LNX1: variants seen among roughly 807,000 people sequenced by gnomAD.
The protein encoded by LNX1 is ligand of numb-protein X 1, also known as E3 ubiquitin-protein ligase LNX.
LNX1 carries 54 observed loss-of-function variants against 68.4 expected under a neutral mutation model. The observed-to-expected ratio is 0.79, with a 90% CI of 0.63 to 0.99. The LOEUF (loss-of-function observed/expected upper bound fraction) is 0.99, where lower values mean the gene tolerates loss of function less well. LNX1 is among the 50% of genes least tolerant of loss of function. The pLI, the probability that LNX1 is intolerant of heterozygous loss-of-function variation, is 0.00. For missense variants in LNX1, 906 were observed against 926.4 expected (o/e 0.98, Z 0.29); for synonymous variants, 336 against 350.0 (o/e 0.96, Z 0.45).
rs529508889 is a variant in LNX1 at position 53,647,864 on chromosome 4, T to G, written c.-215+4304A>C. 9.8e-4 allele frequency among the ~76,000 whole-genome samples: 150 copies of G among 152,370 alleles called. 1 individual carries two copies. The highest frequency in any genetic ancestry group is 6.8e-3 in the Middle Eastern group (2 of 294). ...GCATGTAAGTGGAATTATATCGTATTTGTCCTTCTGAAACTGGCTTTATTT... is the reference window on the plus strand; with the variant it reads ...GCATGTAAGTGGAATTATATCGTATGTGTCCTTCTGAAACTGGCTTTATTT... On this transcript the variant is annotated intron_variant, in intron 1 of 2. Coordinates refer to the LNX1 transcript ENST00000507168.
At chr4:53,513,954 C>T (rs1441919736) in intron 2 of LNX1, among the ~76,000 whole-genome samples, 1 of 152,192 alleles carries the variant, frequency 6.6e-6, no homozygotes, top group Non-Finnish European at 1.5e-5. Flanking sequence ...AGCCCTCCTG[C>T]TAGTCCTCAA....
At chr4:53,647,652 G>C (rs6858782) in intron 1 of LNX1, among the ~76,000 whole-genome samples, 51,009 of 152,062 alleles carry the variant, frequency 0.34, 9,069 homozygotes, top group East Asian at 0.58. Flanking sequence ...CAATTTTTAA[G>C]AGTACAGTTC....
At chr4:53,501,281 C>CTTT (rs11401056) in intron 4 of LNX1, among the ~76,000 whole-genome samples, 28 of 63,684 alleles carry the variant, frequency 4.4e-4, no homozygotes, top group Non-Finnish European at 5.5e-4. Flanking sequence ...TGATAATAAT[C>CTTT]TTTTTTTTTT....
At chr4:53,576,145 C>T in intron 1 of LNX1, 2 of 1,564,546 alleles carry the variant, frequency 1.3e-6, no homozygotes, top group Non-Finnish European at 1.7e-6. Context: ...GGCCCAGCAG[C>T]AGGGGGCCTG....
chr4:53,519,059 C>A (rs1466203646), intron 2 of LNX1, among the ~76,000 whole-genome samples: 2 of 152,162 alleles, frequency 1.3e-5, no homozygotes, highest in African/African-American at 2.4e-5. Flanking sequence ...CTGCATGCCT[C>A]ATAGGTCAGT....
At chr4:53,642,067 A>G (rs187570013) in intron 1 of LNX1, among the ~76,000 whole-genome samples, 2 of 152,034 alleles carry the variant, frequency 1.3e-5, no homozygotes, top group East Asian at 3.9e-4. Context: ...ACAAAAAATA[A>G]AAACATCAGC....
intron 9 of LNX1, among the ~76,000 whole-genome samples, chr4:53,470,987 CTACTT>C (rs1723121237): frequency 6.7e-6 from 1 of 148,170 alleles, no homozygotes; most frequent in Non-Finnish European, 1.5e-5. Flanking sequence ...TTGGAAAAAA[CTACTT>C]TAAAGTTCAT....
chr4:53,610,824 A>AAAATAAG (rs1733462266), intron 2 of LNX1, among the ~76,000 whole-genome samples: 1 of 151,984 alleles, frequency 6.6e-6, no homozygotes, highest in Non-Finnish European at 1.5e-5. Flanking sequence ...AATAGAAGGC[A>AAAATAAG]AAATAAGTAA....
At chr4:53,568,915 G>T (rs889231762) in intron 2 of LNX1, among the ~76,000 whole-genome samples, 2 of 151,960 alleles carry the variant, frequency 1.3e-5, no homozygotes, top group Admixed American at 1.3e-4. Flanking sequence ...ATTCACAATT[G>T]CTTCAAAGAG....
intron 2 of LNX1, among the ~76,000 whole-genome samples, chr4:53,561,085 C>A (rs1330405530): frequency 2.0e-5 from 3 of 152,044 alleles, no homozygotes; most frequent in Non-Finnish European, 4.4e-5. Flanking sequence ...TATTTAGGGG[C>A]CAGGAAAATG....
intron 1 of LNX1, among the ~76,000 whole-genome samples, chr4:53,637,720 C>G (rs1032975127): frequency 6.6e-6 from 1 of 151,798 alleles, no homozygotes. Context: ...ATTACATAAA[C>G]CAAAACACAG....
chr4:53,547,434 T>A (rs6554110), intron 2 of LNX1, among the ~76,000 whole-genome samples: 1 of 152,292 alleles, frequency 6.6e-6, no homozygotes. Context: ...CCTGCCCAAG[T>A]TTGCCCAGCT....
At chr4:53,516,058 A>G (rs4864777) in intron 2 of LNX1, among the ~76,000 whole-genome samples, 68,726 of 151,998 alleles carry the variant, frequency 0.45, 15,923 homozygotes, top group Middle Eastern at 0.59. Context: ...AGAGACCCGT[A>G]GCAGGACCCA....
Position 53,459,893 on chromosome 4 carries a change from A to G in LNX1, c.*1014T>C, listed in dbSNP as rs1197119339. On this transcript the variant is annotated 3_prime_UTR_variant, in exon 11 of 11. Transcript: ENST00000263925. ...TAGTCTTTATCATTACTGCTGTGAC[A>G]CTCTTGCTTAGTATATTAAGAGACT... 1.3e-5 allele frequency: 3 copies of G among 229,386 alleles called. No homozygotes were observed. The highest frequency in any genetic ancestry group is 2.6e-5 in the Non-Finnish European group (3 of 115,870). The allele number at this position is 229,386 out of a possible 1,614,324, so 14.2% of individuals were successfully genotyped here.
intron 2 of LNX1, among the ~76,000 whole-genome samples, chr4:53,608,157 A>G (rs1733306983): frequency 6.6e-6 from 1 of 152,238 alleles, no homozygotes; most frequent in South Asian, 2.1e-4. Flanking sequence ...CAGCAAAAGA[A>G]GTGATCAACA....
At chr4:53,571,045 CT>C (rs879318152) in intron 2 of LNX1, among the ~76,000 whole-genome samples, 76 of 144,726 alleles carry the variant, frequency 5.3e-4, no homozygotes, top group Non-Finnish European at 7.7e-4. Flanking sequence ...AAAAAAGAAT[CT>C]TTTTTTTTTT....
At position 53,634,810 on chromosome 4, in the gene LNX1, G is replaced by GT. The variant is rs879588929; in HGVS notation, c.-215+17357dup. On this transcript the variant is annotated intron_variant, in intron 1 of 2. Transcript: ENST00000507168. ...TTTGTCCTGGGAAGTAGCCCTCTCT[G>GT]TTTTTTTTTCTTTTTTAATTTTTTA... Among the ~76,000 whole-genome samples, 356 of 149,738 alleles carry GT rather than the reference G, an allele frequency of 2.4e-3. 1 individual carries two copies. The highest frequency in any genetic ancestry group is 1.3e-3 in the African/African-American group (53 of 40,722).
chr4:53,596,697 A>G (rs1732769937), intron 2 of LNX1, among the ~76,000 whole-genome samples: 1 of 152,100 alleles, frequency 6.6e-6, no homozygotes, highest in Non-Finnish European at 1.5e-5. Context: ...TACCAGATTT[A>G]AAATGTCTCT....
intron 2 of LNX1, among the ~76,000 whole-genome samples, chr4:53,611,435 C>A (rs1733494040): frequency 6.6e-6 from 1 of 152,070 alleles, no homozygotes; most frequent in African/African-American, 2.4e-5. Flanking sequence ...CTAAAAATCA[C>A]AACAAAGTGG....
Sources: allele counts gnomAD v4.1 joint callset (sites outside exome capture counted in the v4.1 genomes callset), GRCh38; gene constraint gnomAD v4.1.1; transcripts MANE v1.5; gene names NCBI Gene and HGNC (gene_info 2026-07-23, HGNC 2026-07-21).